The following AIG1 variants were observed in gnomAD, a reference collection of about 807,000 sequenced individuals.
AIG1 encodes the protein androgen induced 1.
A neutral mutation model predicts 31.4 loss-of-function variants in AIG1; 23 were observed. The ratio of observed to expected loss-of-function variants is 0.73; its 90% CI spans 0.53 to 1.04. AIG1 has a LOEUF of 1.04. Ranked by LOEUF, AIG1 falls within the 50% of genes least tolerant of loss-of-function variation. The pLI is 0.00. For missense variants in AIG1, 274 were observed against 295.0 expected, an observed-to-expected ratio of 0.93 and a Z score of 0.52; for synonymous variants, 100 against 110.5, an observed-to-expected ratio of 0.90 and a Z score of 0.60.
chr6:143,222,719 G>A (rs1262134858), intron 3 of AIG1, among the ~76,000 whole-genome samples: 1 of 151,696 alleles, frequency 6.6e-6, no homozygotes, highest in Admixed American at 6.6e-5. Flanking sequence ...TTTGCCAAGT[G>A]TAAAGAGAGT....
At position 143,291,965 on chromosome 6, in the gene AIG1, A is replaced by G. The variant is rs1448562906; in HGVS notation, c.515+7740A>G. On this transcript the variant is annotated intron_variant, in intron 4 of 5. Transcript: ENST00000357847. The surrounding 1 kb of genome is among the most constrained non-coding windows in gnomAD (Gnocchi z 4.2). ...TTAAGAGTGGATTGAAGGCAAGGGT[A>G]GAACAAGGAGAAGAGAAGAGAAGGC... is the stretch of plus-strand genomic sequence containing the variant. Among the ~76,000 whole-genome samples the G allele has an allele frequency of 5.9e-5, 9 of 152,244 alleles. No homozygotes were observed. Among genetic ancestry groups the G allele is most frequent in the Non-Finnish European group, 1.0e-4 (7 of 68,038 alleles).
intron 1 of AIG1, among the ~76,000 whole-genome samples, chr6:143,103,927 T>G (rs1780570533): frequency 6.6e-6 from 1 of 152,220 alleles, no homozygotes; most frequent in South Asian, 2.1e-4. Flanking sequence ...AAAAGTACTC[T>G]ACTCAAAATG....
intron 1 of AIG1, 100 bp downstream of exon 1, chr6:143,061,166 G>A (rs1776218363): frequency 1.4e-6 from 2 of 1,425,492 alleles, no homozygotes; most frequent in African/African-American, 1.4e-5. Context: ...GAGCACCTGC[G>A]CACGTGCGCG....
chr6:143,225,040 G>T (rs912692673), intron 3 of AIG1, among the ~76,000 whole-genome samples: 1 of 152,004 alleles, frequency 6.6e-6, no homozygotes, highest in African/African-American at 2.4e-5. Flanking sequence ...GCTTTCCTCC[G>T]ACTTAATTCC....
intron 1 of AIG1, among the ~76,000 whole-genome samples, chr6:143,110,024 T>C (rs1463979814): frequency 6.6e-6 from 1 of 152,244 alleles, no homozygotes; most frequent in African/African-American, 2.4e-5. Flanking sequence ...ATTTCTGGTC[T>C]GTCTGGGAGT....
In AIG1 at chr6:143,268,108, G is replaced by A. The variant is rs1796274402; in HGVS notation, c.400-16002G>A. Among the ~76,000 whole-genome samples the A allele has an allele frequency of 6.6e-6, 1 of 152,106 alleles. No individual in the cohort carries two copies. The highest frequency in any genetic ancestry group is 1.5e-5 in the Non-Finnish European group (1 of 68,032). ...CATGATGAATTATAATAAAAATAGG[G>A]AGGATTATGACTTGATATATAAAGT... On this transcript the variant is annotated intron_variant, in intron 3 of 5. Transcript: ENST00000357847. The surrounding 1 kb of genome is among the most constrained non-coding windows in gnomAD (Gnocchi z 5.0).
intron 3 of AIG1, among the ~76,000 whole-genome samples, chr6:143,255,389 C>G (rs542066563): frequency 6.6e-6 from 1 of 152,158 alleles, no homozygotes; most frequent in Non-Finnish European, 1.5e-5. Flanking sequence ...CCTGAGGCCT[C>G]GATTCTTGGC....
rs190920555 is a variant in AIG1 at position 143,326,911 on chromosome 6, C to A, written c.516-6371C>A. ...AAGATATGGGATGGGGCCAAAGAGACCGATAGAAGCCACTCTATGAAGAGC... is the reference window on the plus strand; with the variant it reads ...AAGATATGGGATGGGGCCAAAGAGAACGATAGAAGCCACTCTATGAAGAGC... On this transcript the variant is annotated intron_variant, in intron 4 of 5. Transcript: ENST00000357847. This position sits in a 1 kb window ranked among gnomAD's most constrained non-coding sequence, Gnocchi z 4.5. Among the ~76,000 whole-genome samples the A allele has an allele frequency of 1.3e-5, 2 of 152,234 alleles. No individual in the cohort carries two copies. The highest frequency in any genetic ancestry group is 6.5e-5 in the Admixed American group (1 of 15,296).
At chr6:143,306,687 G>A (rs1799337005) in intron 4 of AIG1, among the ~76,000 whole-genome samples, 1 of 151,740 alleles carries the variant, frequency 6.6e-6, no homozygotes. Context: ...TCTTGGAGTT[G>A]CTCTTCTCGA....
At chr6:143,245,142 A>G (rs1794529316) in intron 3 of AIG1, among the ~76,000 whole-genome samples, 1 of 152,226 alleles carries the variant, frequency 6.6e-6, no homozygotes, top group African/African-American at 2.4e-5. Context: ...ATTGAACATT[A>G]CCCAAGTTAA....
At chr6:143,206,218 G>A (rs996771690) in intron 3 of AIG1, among the ~76,000 whole-genome samples, 1 of 152,202 alleles carries the variant, frequency 6.6e-6, no homozygotes, top group African/African-American at 2.4e-5. Flanking sequence ...TAGCTGGCAG[G>A]CAACTTTCCA....
intron 3 of AIG1, among the ~76,000 whole-genome samples, chr6:143,202,384 T>G (rs1790764337): frequency 6.6e-6 from 1 of 152,144 alleles, no homozygotes; most frequent in Admixed American, 6.5e-5. Flanking sequence ...GCTATTGACT[T>G]CTAAAATTGG....
chr6:143,210,833 G>A (rs1278814930), intron 3 of AIG1, among the ~76,000 whole-genome samples: 1 of 152,182 alleles, frequency 6.6e-6, no homozygotes, highest in East Asian at 1.9e-4. Context: ...TGTGTCTTCT[G>A]CTATGACTTT....
Position 143,284,286 on chromosome 6 carries a change from C to G in AIG1, c.515+61C>G. The G allele has an allele frequency of 1.6e-6, 2 of 1,213,458 alleles. No homozygotes were observed. The highest frequency in any genetic ancestry group is 2.4e-6 in the Non-Finnish European group (2 of 834,690). The allele number at this position is 1,213,458 out of a possible 1,614,324, so 75.2% of individuals were successfully genotyped here. The stretch of plus-strand genomic sequence containing the variant: ...TAGATTTTGCACTGCTAAATTTGGG[C>G]ACATATTTCATTATGGATATAATCA... On this transcript the variant is annotated intron_variant, in intron 4 of 5. Transcript: ENST00000357847. The surrounding 1 kb of genome is among the most constrained non-coding windows in gnomAD (Gnocchi z 4.4).
intron 2 of AIG1, among the ~76,000 whole-genome samples, chr6:143,164,022 C>T (rs2128562602): frequency 6.6e-6 from 1 of 152,264 alleles, no homozygotes; most frequent in Non-Finnish European, 1.5e-5. Context: ...CTCTTGCATT[C>T]TGGCCTTTTC....
At chr6:143,255,824 A>G (rs981666505) in intron 3 of AIG1, among the ~76,000 whole-genome samples, 9 of 152,216 alleles carry the variant, frequency 5.9e-5, no homozygotes, top group Admixed American at 5.9e-4. Flanking sequence ...GTGTGATGTT[A>G]TATGCTAATC....
chr6:143,137,280 T>A (rs1783852235), intron 2 of AIG1, among the ~76,000 whole-genome samples: 1 of 152,176 alleles, frequency 6.6e-6, no homozygotes, highest in African/African-American at 2.4e-5. Flanking sequence ...CATCCCTCTG[T>A]GCCTGTCTTT....
rs936223284 is a variant in AIG1 at position 143,187,804 on chromosome 6, C to T, written c.399+22621C>T. The T allele has an allele frequency of 3.3e-6, 5 of 1,498,026 alleles. No individual in the cohort carries two copies. The African/African-American group carries it at 5.6e-5, about 17-fold the overall frequency. The allele number at this position is 1,498,026 out of a possible 1,614,324, so 92.8% of individuals were successfully genotyped here. On this transcript the variant is annotated intron_variant, in intron 3 of 5. Transcript: ENST00000357847. ...AAATGACCTTGAAGCGAAGTTTTGC[C>T]AAGTTGATGAAATACGGGCCTTCAA...
At chr6:143,075,820 A>G (rs1777683326) in intron 1 of AIG1, among the ~76,000 whole-genome samples, 1 of 152,206 alleles carries the variant, frequency 6.6e-6, no homozygotes, top group Non-Finnish European at 1.5e-5. Flanking sequence ...TCAATTAAAA[A>G]TATTTTTAAA....
Sources: allele counts gnomAD v4.1 joint callset (sites outside exome capture counted in the v4.1 genomes callset), GRCh38; gene constraint gnomAD v4.1.1; non-coding constraint Gnocchi (gnomAD v3.1); transcripts MANE v1.5; gene names NCBI Gene and HGNC (gene_info 2026-07-23, HGNC 2026-07-21).